Variants in FSHR observed in about 807,000 individuals in gnomAD.
The protein encoded by FSHR is follicle stimulating hormone receptor.
A neutral mutation model predicts 52.1 loss-of-function variants in FSHR; 46 were observed. The observed-to-expected ratio is 0.88, with a 90% confidence interval of 0.70 to 1.13. The LOEUF is 1.13. Among genes scored for constraint, FSHR ranks in the 50% most tolerant of loss-of-function variants. The pLI, the probability that FSHR is intolerant of heterozygous loss-of-function variation, is 0.00. For missense variants in FSHR, 964 were observed against 834.6 expected (o/e 1.16, Z -1.91); for synonymous variants, 399 against 309.6 (o/e 1.29, Z -3.03).
chr2:49,085,728 T>C (rs919151154), intron 1 of FSHR, among the ~76,000 whole-genome samples: 1 of 152,098 alleles, frequency 6.6e-6, no homozygotes, highest in Non-Finnish European at 1.5e-5. Flanking sequence ...TGTCCAACAA[T>C]GATAGACTGG....
At chr2:49,100,235 G>A (rs1304550364) in intron 1 of FSHR, among the ~76,000 whole-genome samples, 1 of 152,076 alleles carries the variant, frequency 6.6e-6, no homozygotes, top group Non-Finnish European at 1.5e-5. Context: ...TCAGTTCTAG[G>A]AACATGCTTG....
chr2:48,963,959 G>T lies in FSHR; in HGVS notation c.862C>A (p.Leu288Ile). 1 of 1,612,770 alleles carries T rather than the reference G, an allele frequency of 6.2e-7. No individual in the cohort carries two copies. Among genetic ancestry groups the T allele is most frequent in the Admixed American group, 1.7e-5 (1 of 60,002 alleles). ...ATAGATTTGTTGCAAATTGGATGAA[G>T]CTCAGAGCTAGAAAAATACAAAAAG... The part of the protein sequence containing the change: ...FANWRRQISE[L>I]HPICNKSILR... The change falls in exon 10 of 10, where the codon CTT becomes ATT. Residue 288 changes from leucine (L) to isoleucine (I), a missense_variant. Physicochemically the swap from Leu to Ile is conservative, Grantham distance 5. Coordinates refer to ENST00000406846, the MANE Select transcript of FSHR (RefSeq NM_000145.4).
At chr2:49,120,534 G>A (rs931429664) in intron 1 of FSHR, among the ~76,000 whole-genome samples, 3 of 152,140 alleles carry the variant, frequency 2.0e-5, no homozygotes, top group African/African-American at 7.2e-5. Context: ...ATAATATTAT[G>A]TCCTTGAAAG....
At chr2:49,023,750 G>A (rs1366815456) in intron 2 of FSHR, among the ~76,000 whole-genome samples, 3 of 152,134 alleles carry the variant, frequency 2.0e-5, no homozygotes, top group Admixed American at 6.5e-5. Context: ...GGTTCACTGA[G>A]TGTCTGACTG....
At chr2:49,049,902 A>T (rs998932490) in intron 2 of FSHR, among the ~76,000 whole-genome samples, 1 of 151,462 alleles carries the variant, frequency 6.6e-6, no homozygotes, top group Non-Finnish European at 1.5e-5. Flanking sequence ...CAAACATATA[A>T]ATACAAAGCT....
intron 1 of FSHR, among the ~76,000 whole-genome samples, chr2:49,140,128 C>T (rs952342322): frequency 6.6e-6 from 1 of 152,030 alleles, no homozygotes; most frequent in Non-Finnish European, 1.5e-5. Flanking sequence ...GACATTTGTC[C>T]ACACCCAACG....
intron 1 of FSHR, among the ~76,000 whole-genome samples, chr2:49,080,205 T>C (rs1376441502): frequency 1.3e-5 from 2 of 152,186 alleles, no homozygotes; most frequent in Non-Finnish European, 2.9e-5. Flanking sequence ...ACAGTATCCA[T>C]GCTGGTGAGG....
chr2:49,145,504 T>C (rs1672838601), intron 1 of FSHR, among the ~76,000 whole-genome samples: 1 of 152,078 alleles, frequency 6.6e-6, no homozygotes, highest in South Asian at 2.1e-4. Flanking sequence ...ATGGCTGTCT[T>C]CTTATCATCT....
At chr2:49,068,772 G>C (rs1423869986) in intron 1 of FSHR, among the ~76,000 whole-genome samples, 1 of 151,994 alleles carries the variant, frequency 6.6e-6, no homozygotes, top group African/African-American at 2.4e-5. Flanking sequence ...GCCTGTACCT[G>C]TGCTTTATAC....
intron 8 of FSHR, among the ~76,000 whole-genome samples, chr2:48,975,429 A>T (rs535433710): frequency 5.2e-4 from 79 of 152,248 alleles, no homozygotes; most frequent in African/African-American, 1.9e-3. Flanking sequence ...CCAATGTATC[A>T]TTCTACTTAC....
At chr2:49,146,299 C>T (rs561598179) in intron 1 of FSHR, among the ~76,000 whole-genome samples, 5 of 152,114 alleles carry the variant, frequency 3.3e-5, no homozygotes, top group African/African-American at 4.8e-5. Flanking sequence ...TATTTGAAAC[C>T]GAAGCCACTT....
At chr2:49,117,310 A>G (rs1183993767) in intron 1 of FSHR, among the ~76,000 whole-genome samples, 1 of 152,162 alleles carries the variant, frequency 6.6e-6, no homozygotes. Context: ...CTGGTATGTC[A>G]TCGGTGTCAT....
rs567204543 is a variant in FSHR, at chr2:49,121,271, C to T, written c.152+32995G>A. ...TATTTCATTATTTATGAAGTGCATA[C>T]ATTTGGGCAAGTCATTTAACCTCCC... On this transcript the variant is annotated intron_variant, in intron 1 of 9. Coordinates refer to ENST00000406846, the MANE Select transcript of FSHR (RefSeq NM_000145.4). Among the ~76,000 whole-genome samples the T allele has an allele frequency of 2.7e-3, 410 of 152,270 alleles. 2 individuals carry two copies. The highest frequency in any genetic ancestry group is 9.2e-3 in the African/African-American group (384 of 41,538).
At chr2:48,976,227 G>T (rs1466231241) in intron 8 of FSHR, among the ~76,000 whole-genome samples, 1 of 152,162 alleles carries the variant, frequency 6.6e-6, no homozygotes. Flanking sequence ...GGCATTTTCT[G>T]CATCTATTGA....
chr2:49,141,657 G>A (rs1442995266), intron 1 of FSHR, among the ~76,000 whole-genome samples: 1 of 152,074 alleles, frequency 6.6e-6, no homozygotes, highest in Non-Finnish European at 1.5e-5. Flanking sequence ...CCCTGACTGG[G>A]TACAGGAGAA....
chr2:49,126,182 G>C (rs931728337), intron 1 of FSHR, among the ~76,000 whole-genome samples: 2 of 152,216 alleles, frequency 1.3e-5, no homozygotes, highest in Non-Finnish European at 2.9e-5. Flanking sequence ...AAAAAGAACA[G>C]AGGTTTATTT....
At chr2:49,047,468 C>A (rs987791639) in intron 2 of FSHR, among the ~76,000 whole-genome samples, 1 of 152,216 alleles carries the variant, frequency 6.6e-6, no homozygotes, top group Non-Finnish European at 1.5e-5. Flanking sequence ...AGCACGATCA[C>A]CCTGCTCTCA....
intron 1 of FSHR, among the ~76,000 whole-genome samples, chr2:49,086,109 A>G (rs374650061): frequency 6.6e-6 from 1 of 152,326 alleles, no homozygotes; most frequent in East Asian, 1.9e-4. Context: ...AACTTAAAGT[A>G]TAATAATAAA....
At chr2:49,011,279 A>C (rs889357646) in intron 4 of FSHR, among the ~76,000 whole-genome samples, 1 of 151,790 alleles carries the variant, frequency 6.6e-6, no homozygotes, top group African/African-American at 2.4e-5. Context: ...CCTTCATTTC[A>C]TTATGTACCC....
Sources: gnomAD v4.1 joint callset for allele counts (sites outside exome capture counted in the v4.1 genomes callset) on GRCh38, gnomAD v4.1.1 for gene constraint, MANE v1.5 for transcripts, NCBI Gene and HGNC (gene_info 2026-07-23, HGNC 2026-07-21) for gene names.